VPS8: variants seen among roughly 807,000 people sequenced by gnomAD.
VPS8 encodes the protein VPS8 subunit of CORVET complex, also known as vacuolar protein sorting-associated protein 8 homolog.
A neutral mutation model predicts 216.4 loss-of-function variants in VPS8; 129 were observed. The ratio of observed to expected loss-of-function variants is 0.60; its 90% CI spans 0.52 to 0.69. VPS8 has a LOEUF of 0.69. Ranked by LOEUF, VPS8 falls within the 30% of genes least tolerant of loss-of-function variation. VPS8 has a pLI of 0.00. For missense variants in VPS8, 1,531 were observed against 1,683.5 expected (o/e 0.91, Z 1.59); for synonymous variants, 571 against 565.4 (o/e 1.01, Z -0.14).
Position 184,948,799 on chromosome 3 carries a change from T to C in VPS8, c.3035+8556T>C, listed in dbSNP as rs573602716. Among the ~76,000 whole-genome samples, 10 of 152,296 alleles carry C rather than the reference T, an allele frequency of 6.6e-5. No homozygotes were observed. In the South Asian group the frequency reaches 2.1e-3, roughly 32 times the overall value. ...TTAACCTTAGTTTCTTAAAGTAGTC[T>C]GAAAATACGACATCCCAGCCTGTAT... On this transcript the variant is annotated intron_variant, in intron 36 of 47. Transcript: ENST00000625842.
At chr3:184,856,175 G>A (rs190443338) in intron 14 of VPS8, among the ~76,000 whole-genome samples, 1 of 152,274 alleles carries the variant, frequency 6.6e-6, no homozygotes, top group Non-Finnish European at 1.5e-5. Flanking sequence ...ACACTGTGAT[G>A]GGCACAAGCA....
intron 42 of VPS8, among the ~76,000 whole-genome samples, chr3:184,987,416 AT>A (rs55959517): frequency 0.91 from 136,755 of 150,282 alleles, 62,951 homozygotes; most frequent in Non-Finnish European, 0.98. Flanking sequence ...GCCCACACTG[AT>A]TTTTTTTTTT....
chr3:184,852,734 T>C (rs1264158545), intron 11 of VPS8, among the ~76,000 whole-genome samples, 167 bp downstream of exon 11: 1 of 152,216 alleles, frequency 6.6e-6, no homozygotes, highest in Non-Finnish European at 1.5e-5. Context: ...AACAGAGTTC[T>C]GGGCCTGGTC....
chr3:184,966,685 A>T lies in VPS8; in HGVS notation c.3288A>T (p.Lys1096Asn), dbSNP rs1747458974. ...TTATCTCCTAGAGACTACAAAGCAA[A>T]CTTCAAGAGGTAACACATCAAGGTG... is the stretch of plus-strand genomic sequence containing the variant. ...FLIMLERLQS[K>N]LQEVTHQGEN... Residue 1096 changes from lysine (K) to asparagine (N), a missense_variant, in exon 39 of 48, where the codon AAA (lysine) becomes AAT (asparagine). Physicochemically the swap from Lys to Asn is moderately conservative, Grantham distance 94. Around this residue, in one of 3 missense-constraint regions of VPS8, gnomAD observed 1,318 missense variants for 1,468.4 expected, o/e 0.90. Coordinates refer to ENST00000625842, the MANE Select transcript of VPS8 (RefSeq NM_001009921.3). 1 of 1,594,436 alleles carries T rather than the reference A, an allele frequency of 6.3e-7. No individual in the cohort carries two copies. The highest frequency in any genetic ancestry group is 8.6e-7 in the Non-Finnish European group (1 of 1,167,468).
chr3:184,914,827 C>A (rs541477115), intron 26 of VPS8, among the ~76,000 whole-genome samples, 154 bp from the exon 27 acceptor site: 1 of 152,320 alleles, frequency 6.6e-6, no homozygotes, highest in African/African-American at 2.4e-5. Context: ...AACTGGGTGT[C>A]ATCTTGACCT....
intron 7 of VPS8, 94 bp downstream of exon 7, chr3:184,839,846 T>C: frequency 1.4e-6 from 2 of 1,467,656 alleles, no homozygotes; most frequent in Non-Finnish European, 1.8e-6. Flanking sequence ...TGTACTTGAT[T>C]TTCTTGAACA....
At chr3:184,847,408 A>G (rs1723340653) in intron 8 of VPS8, among the ~76,000 whole-genome samples, 1 of 152,228 alleles carries the variant, frequency 6.6e-6, no homozygotes. Flanking sequence ...GGCAAATGTG[A>G]AAGCTATTCA....
At chr3:184,992,902 A>C (rs1420240684) in intron 42 of VPS8, among the ~76,000 whole-genome samples, 43 of 152,280 alleles carry the variant, frequency 2.8e-4, no homozygotes, top group Admixed American at 2.7e-3. Flanking sequence ...TTGAGTCTAT[A>C]GTTTTCTGTC....
chr3:185,005,758 ATCTT>A (rs1754160309), intron 45 of VPS8, among the ~76,000 whole-genome samples: 1 of 152,000 alleles, frequency 6.6e-6, no homozygotes, highest in South Asian at 2.1e-4. Flanking sequence ...TTTATCCTAA[ATCTT>A]TATTGAATTC....
chr3:184,854,247 G>A (rs1249272680), intron 13 of VPS8, 74 bp downstream of exon 13: 5 of 1,510,112 alleles, frequency 3.3e-6, no homozygotes, highest in Non-Finnish European at 4.6e-6. Context: ...GCTTGCAAGG[G>A]GTGAATTCTA....
At chr3:184,872,216 A>C (rs1398354781) in intron 21 of VPS8, among the ~76,000 whole-genome samples, 1 of 152,034 alleles carries the variant, frequency 6.6e-6, no homozygotes, top group Non-Finnish European at 1.5e-5. Context: ...TGGCCTTTGG[A>C]AGGTATACTT....
At chr3:184,933,545 G>GTGTGTGTGTGTGTGTT (rs1237025169) in intron 34 of VPS8, among the ~76,000 whole-genome samples, 1 of 151,882 alleles carries the variant, frequency 6.6e-6, no homozygotes, top group Admixed American at 6.6e-5. Flanking sequence ...GTGTGTGTGT[G>GTGTGTGTGTGTGTGTT]TGTTTTTAAG....
rs868664848 is a variant in VPS8 at position 185,050,125 on chromosome 3, T to A, written c.4137+1566T>A. Among the ~76,000 whole-genome samples, 356 of 147,834 alleles carry A rather than the reference T, an allele frequency of 2.4e-3. 2 individuals are homozygous for A. Among genetic ancestry groups the A allele is most frequent in the African/African-American group, 7.5e-3 (305 of 40,818 alleles). On this transcript the variant is annotated intron_variant, in intron 47 of 47. Transcript: ENST00000625842. ...AATATCTGTTTTCCTGGGAAATAAT[T>A]TTTTTTTTTTTTTTTTGCAATTGAT...
chr3:184,911,626 T>C (rs1736548808), intron 25 of VPS8, among the ~76,000 whole-genome samples: 1 of 152,242 alleles, frequency 6.6e-6, no homozygotes, highest in Non-Finnish European at 1.5e-5. Context: ...CAGAAGGTAA[T>C]GTAATGCCCA....
At chr3:184,963,292 G>A (rs984322793) in intron 37 of VPS8, among the ~76,000 whole-genome samples, 1 of 152,064 alleles carries the variant, frequency 6.6e-6, no homozygotes, top group Non-Finnish European at 1.5e-5. Context: ...TGACATCTCT[G>A]TAGTGTTGAT....
At chr3:184,949,878 T>TTTGTTGTTGTTGTTG (rs71162269) in intron 36 of VPS8, among the ~76,000 whole-genome samples, 1 of 150,534 alleles carries the variant, frequency 6.6e-6, no homozygotes, top group Non-Finnish European at 1.5e-5. Context: ...AATAGGGGTT[T>TTTGTTGTTGTTGTTG]TTGTTGTTGT....
chr3:184,934,210 G>C (rs115247583), intron 34 of VPS8, among the ~76,000 whole-genome samples: 2 of 151,704 alleles, frequency 1.3e-5, no homozygotes, highest in Non-Finnish European at 2.9e-5. Context: ...TCACTGTGTC[G>C]CCCAGGCTGG....
chr3:184,917,859 T>C (rs1737888100), intron 28 of VPS8, among the ~76,000 whole-genome samples: 2 of 152,210 alleles, frequency 1.3e-5, no homozygotes. Context: ...GGGTGGCTCA[T>C]AAACAACAGA....
intron 1 of VPS8, chr3:184,812,826 TGG>T (rs753787748): frequency 2.0e-5 from 3 of 152,262 alleles, no homozygotes; most frequent in Non-Finnish European, 4.4e-5. Flanking sequence ...GAAACAGGTG[TGG>T]ACCCCTTTAG....
Sources: allele counts gnomAD v4.1 joint callset (sites outside exome capture counted in the v4.1 genomes callset), GRCh38; gene constraint gnomAD v4.1.1; regional missense constraint gnomAD v4.1.1; transcripts MANE v1.5; gene names NCBI Gene and HGNC (gene_info 2026-07-23, HGNC 2026-07-21).